The following RAD51B variants were observed in gnomAD, a reference collection of about 807,000 sequenced individuals.
RAD51B encodes the protein RAD51 paralog B, also known as DNA repair protein RAD51 homolog 2.
A neutral mutation model predicts 42.2 loss-of-function variants in RAD51B; 38 were observed. The ratio of observed to expected loss-of-function variants is 0.90; its 90% CI spans 0.70 to 1.18. The LOEUF is 1.18. Ranked by LOEUF, RAD51B falls within the 50% of genes most tolerant of loss-of-function variation. RAD51B has a pLI of 0.00. For synonymous variants in RAD51B, 154 were observed against 145.2 expected (o/e 1.06, Z -0.43); for missense variants, 373 against 400.7 (o/e 0.93, Z 0.59).
intron 8 of RAD51B, among the ~76,000 whole-genome samples, chr14:68,398,267 G>A (rs565545604): frequency 2.1e-4 from 32 of 152,346 alleles, no homozygotes; most frequent in African/African-American, 7.7e-4. Context: ...TGGGATCAAA[G>A]GAAGCACTTT....
At chr14:68,526,375 G>A (rs927564949) in intron 10 of RAD51B, among the ~76,000 whole-genome samples, 16 of 152,178 alleles carry the variant, frequency 1.1e-4, no homozygotes, top group African/African-American at 3.4e-4. Context: ...TATACTGGAC[G>A]ATGTTTCCAC....
intron 10 of RAD51B, chr14:68,563,814 G>T (rs1889278574): frequency 5.1e-6 from 5 of 985,386 alleles, no homozygotes; most frequent in Non-Finnish European, 6.0e-6. Context: ...GTAATGAGCA[G>T]TCCTTGGAAC....
rs182759203 is a variant in RAD51B, at chr14:68,507,105, G to A, written c.1036+38855G>A. ...GTGGGGAGGGAGTGTGGGCATCACC[G>A]CACAGGTGCTCTTGAAGTACACATG... On this transcript the variant is annotated intron_variant, in intron 10 of 10. Coordinates refer to the RAD51B transcript ENST00000487270. Among the ~76,000 whole-genome samples the A allele has an allele frequency of 1.3e-3, 205 of 152,188 alleles. 1 individual carries two copies. The highest frequency in any genetic ancestry group is 4.5e-3 in the African/African-American group (186 of 41,492).
chr14:68,160,836 C>T (rs907201749), intron 7 of RAD51B, among the ~76,000 whole-genome samples: 10 of 152,186 alleles, frequency 6.6e-5, no homozygotes, highest in Admixed American at 5.9e-4. Context: ...ACAATGGTGG[C>T]AAACAAACCA....
intron 10 of RAD51B, among the ~76,000 whole-genome samples, chr14:68,570,873 C>CCCCA (rs1555427591): frequency 6.7e-6 from 1 of 150,242 alleles, no homozygotes; most frequent in Non-Finnish European, 1.5e-5. Context: ...GGCTGGAGCG[C>CCCCA]CACACACACA....
At chr14:67,964,426 C>T (rs1167942667) in intron 7 of RAD51B, among the ~76,000 whole-genome samples, 1 of 152,192 alleles carries the variant, frequency 6.6e-6, no homozygotes, top group Non-Finnish European at 1.5e-5. Context: ...TGCCATTATT[C>T]CTTCAGGCAG....
rs201989213 is a variant in RAD51B at position 67,843,131 on chromosome 14, C to CT, written c.315+7946dup. Among the ~76,000 whole-genome samples the CT allele has an allele frequency of 8.1e-4, 114 of 141,524 alleles. 1 individual carries two copies. In the East Asian group the frequency reaches 0.012, roughly 15 times the overall value. The allele number at this position is 141,524 out of a possible 152,430, so 92.8% of individuals were successfully genotyped here. A position where few individuals can be genotyped will look rare whatever the true frequency, so the allele number is the denominator to read the frequency against. On this transcript the variant is annotated intron_variant, in intron 4 of 10. Transcript: ENST00000471583. ...ATCAGGGATATTGACCTGATGCTTT[C>CT]TTTTTTTTTTTCTTTTTTTAAAATT...
chr14:68,066,654 G>A (rs1053673073), intron 7 of RAD51B, among the ~76,000 whole-genome samples: 4 of 152,174 alleles, frequency 2.6e-5, no homozygotes, highest in African/African-American at 9.7e-5. Context: ...GGGCATGCTG[G>A]TATACACCTA....
At chr14:68,028,703 A>G (rs1006334932) in intron 7 of RAD51B, among the ~76,000 whole-genome samples, 2 of 152,232 alleles carry the variant, frequency 1.3e-5, no homozygotes, top group African/African-American at 2.4e-5. Context: ...TGCACTGCAC[A>G]CATGCTCTTG....
intron 7 of RAD51B, among the ~76,000 whole-genome samples, chr14:68,195,535 T>C (rs2079351759): frequency 6.6e-6 from 1 of 152,208 alleles, no homozygotes; most frequent in African/African-American, 2.4e-5. Flanking sequence ...TTGCTATGTA[T>C]CTATAAGTAA....
intron 7 of RAD51B, among the ~76,000 whole-genome samples, chr14:68,162,093 G>C (rs764538900): frequency 6.6e-5 from 10 of 152,166 alleles, no homozygotes; most frequent in African/African-American, 1.9e-4. Flanking sequence ...TTTCTCGGCT[G>C]TTACTATTAA....
intron 10 of RAD51B, among the ~76,000 whole-genome samples, chr14:68,577,667 G>A (rs750735721): frequency 7.9e-5 from 12 of 152,002 alleles, no homozygotes; most frequent in African/African-American, 1.5e-4. Flanking sequence ...GCCTCCCAGC[G>A]CGCCCAGCCC....
intron 7 of RAD51B, among the ~76,000 whole-genome samples, chr14:68,084,538 C>T (rs990553590): frequency 1.3e-5 from 2 of 152,210 alleles, no homozygotes; most frequent in African/African-American, 2.4e-5. Flanking sequence ...GGTGGTCCTA[C>T]ACAACTGGAG....
chr14:68,178,361 G>A (rs991340609), intron 7 of RAD51B, among the ~76,000 whole-genome samples: 1 of 152,104 alleles, frequency 6.6e-6, no homozygotes, highest in African/African-American at 2.4e-5. Flanking sequence ...CCACTTTACA[G>A]TGTGTTATGC....
intron 7 of RAD51B, among the ~76,000 whole-genome samples, chr14:67,903,848 T>C (rs1467143758): frequency 6.6e-6 from 1 of 152,176 alleles, no homozygotes; most frequent in East Asian, 1.9e-4. Context: ...ATTATTTCAT[T>C]ACCCAGGTAA....
intron 2 of RAD51B, among the ~76,000 whole-genome samples, chr14:67,824,348 C>T (rs2140275833): frequency 6.6e-6 from 1 of 152,280 alleles, no homozygotes; most frequent in South Asian, 2.1e-4. Context: ...ATCTCCTCCT[C>T]CCCGGTTCAA....
chr14:68,300,099 A>G lies in RAD51B; in HGVS notation c.853+8119A>G, dbSNP rs567941281. The stretch of plus-strand genomic sequence containing the variant: ...ACAGATTCCTTTTGAAGGGAGGTAA[A>G]TACCCAAACATAACATCTAATAGAA... On this transcript the variant is annotated intron_variant, in intron 8 of 10. Transcript: ENST00000471583. Among the ~76,000 whole-genome samples the G allele has an allele frequency of 4.6e-5, 7 of 152,330 alleles. 1 individual carries two copies. Among genetic ancestry groups the G allele is most frequent in the African/African-American group, 1.7e-4 (7 of 41,562 alleles).
intron 7 of RAD51B, among the ~76,000 whole-genome samples, chr14:68,104,841 G>T (rs2077349816): frequency 6.6e-6 from 1 of 152,098 alleles, no homozygotes; most frequent in Non-Finnish European, 1.5e-5. Context: ...ACAGGTTGGG[G>T]CTTGTTAGCT....
At chr14:67,844,626 T>TATA (rs562175109) in intron 4 of RAD51B, among the ~76,000 whole-genome samples, 2 of 147,444 alleles carry the variant, frequency 1.4e-5, no homozygotes, top group East Asian at 3.9e-4. Context: ...ATATATATAT[T>TATA]TTTTTTATTA....
Sources: allele counts gnomAD v4.1 joint callset (sites outside exome capture counted in the v4.1 genomes callset), GRCh38; gene constraint gnomAD v4.1.1; transcripts MANE v1.5; gene names NCBI Gene and HGNC (gene_info 2026-07-23, HGNC 2026-07-21).